Variants in CA10 observed in about 807,000 individuals in gnomAD.
CA10 encodes carbonic anhydrase 10 (inactive).
A neutral mutation model predicts 44.2 loss-of-function variants in CA10; 14 were observed. The ratio of observed to expected loss-of-function variants is 0.32; its 90% CI spans 0.21 to 0.50. The LOEUF (loss-of-function observed/expected upper bound fraction) is 0.50, where lower values mean the gene tolerates loss of function less well. Among genes scored for constraint, CA10 ranks in the 20% least tolerant of loss-of-function variants. The probability of loss-of-function intolerance (pLI) is 0.99; values close to 1 mark genes in which losing one functional copy is unlikely to be tolerated. For missense variants in CA10, 350 were observed against 409.7 expected (o/e 0.85, Z 1.26); for synonymous variants, 159 against 141.6 (o/e 1.12, Z -0.87).
intron 2 of CA10, among the ~76,000 whole-genome samples, chr17:52,034,656 T>G (rs957007778): frequency 6.6e-6 from 1 of 152,120 alleles, no homozygotes; most frequent in Non-Finnish European, 1.5e-5. Context: ...ACTTCACCAG[T>G]GCGTGACACC....
intron 4 of CA10, among the ~76,000 whole-genome samples, chr17:51,725,934 T>G (rs986969381): frequency 1.3e-5 from 2 of 151,940 alleles, no homozygotes; most frequent in Non-Finnish European, 2.9e-5. Flanking sequence ...ATGTGAAGTG[T>G]AATGAGAACA....
chr17:51,878,492 C>T (rs759329994), intron 3 of CA10, among the ~76,000 whole-genome samples: 40 of 151,922 alleles, frequency 2.6e-4, no homozygotes, highest in Non-Finnish European at 5.4e-4. Context: ...ATATTTTTCA[C>T]ATTATTGTTC....
chr17:52,081,642 T>C (rs888765281), intron 1 of CA10, among the ~76,000 whole-genome samples: 3 of 151,472 alleles, frequency 2.0e-5, no homozygotes. Context: ...CTACTAAAAA[T>C]ACAAAAAATT....
chr17:51,844,702 T>A (rs896102323), intron 3 of CA10, among the ~76,000 whole-genome samples: 2 of 152,152 alleles, frequency 1.3e-5, no homozygotes, highest in Non-Finnish European at 2.9e-5. Flanking sequence ...CTTGAGGTAG[T>A]TTCAAAATAT....
chr17:51,829,803 TATA>T (rs1908163727), intron 3 of CA10, among the ~76,000 whole-genome samples: 2 of 152,358 alleles, frequency 1.3e-5, no homozygotes, highest in Non-Finnish European at 2.9e-5. Context: ...TAGGCTGATT[TATA>T]AGCCCTTGTT....
At chr17:51,809,440 CA>C (rs1157480083) in intron 3 of CA10, among the ~76,000 whole-genome samples, 2 of 152,226 alleles carry the variant, frequency 1.3e-5, no homozygotes, top group Admixed American at 6.5e-5. Flanking sequence ...AGAAGAGATG[CA>C]AAAAACAGAT....
chr17:52,090,721 C>T (rs1010008903), intron 1 of CA10, among the ~76,000 whole-genome samples: 3 of 151,972 alleles, frequency 2.0e-5, no homozygotes, highest in Non-Finnish European at 4.4e-5. Context: ...GTTTTTTATG[C>T]ATTCTAGGTA....
At chr17:52,134,372 C>T (rs989907354) in intron 1 of CA10, among the ~76,000 whole-genome samples, 1 of 152,164 alleles carries the variant, frequency 6.6e-6, no homozygotes, top group African/African-American at 2.4e-5. Context: ...AGTGTACTTT[C>T]TAGTGCCAAA....
chr17:51,816,226 G>A (rs922522848), intron 3 of CA10, among the ~76,000 whole-genome samples: 1 of 152,166 alleles, frequency 6.6e-6, no homozygotes, highest in Non-Finnish European at 1.5e-5. Context: ...TTCCATCCAT[G>A]TTGGTGCAAT....
chr17:51,991,916 C>G (rs1438246857), intron 2 of CA10, among the ~76,000 whole-genome samples: 1 of 152,072 alleles, frequency 6.6e-6, no homozygotes. Flanking sequence ...GCCCTCTCAC[C>G]TATCTCTGCG....
chr17:51,802,350 G>T (rs575513655), intron 3 of CA10, among the ~76,000 whole-genome samples: 1 of 152,042 alleles, frequency 6.6e-6, no homozygotes, highest in South Asian at 2.1e-4. Context: ...TTTCTCATTT[G>T]CCAAGTGGGA....
chr17:51,923,055 C>T (rs1982292663), intron 3 of CA10, among the ~76,000 whole-genome samples: 1 of 152,172 alleles, frequency 6.6e-6, no homozygotes, highest in South Asian at 2.1e-4. Context: ...TAAAGATCTG[C>T]TGTATCCCAC....
At position 52,134,547 on chromosome 17, in the gene CA10, C is replaced by A. The variant is rs544723797; in HGVS notation, c.61+23179G>T. 7.2e-5 allele frequency among the ~76,000 whole-genome samples: 11 copies of A among 152,254 alleles called. No homozygotes were observed. In the South Asian group the frequency reaches 1.2e-3, roughly 17 times the overall value. On this transcript the variant is annotated intron_variant, in intron 1 of 8. Transcript: ENST00000451037. ...GGCTATTGTAAAGTTTAAACATGAA[C>A]TAAACAATCAATACCAGCAGCTAGT... is the stretch of plus-strand genomic sequence containing the variant.
At chr17:51,827,357 CACACACACAT>C (rs1287430257) in intron 3 of CA10, among the ~76,000 whole-genome samples, 6 of 147,670 alleles carry the variant, frequency 4.1e-5, no homozygotes, top group African/African-American at 1.5e-4. Flanking sequence ...CACACACATA[CACACACACAT>C]ACACACACAC....
intron 1 of CA10, among the ~76,000 whole-genome samples, chr17:52,154,438 A>G (rs890454451): frequency 2.0e-5 from 3 of 152,232 alleles, no homozygotes; most frequent in African/African-American, 7.2e-5. Context: ...AAAGAAGTAA[A>G]GTTACATAAG....
intron 2 of CA10, among the ~76,000 whole-genome samples, chr17:51,998,953 C>T (rs966041977): frequency 3.9e-5 from 6 of 152,000 alleles, no homozygotes; most frequent in Non-Finnish European, 7.4e-5. Context: ...GAAATTGTAA[C>T]TGACTCTCTA....
chr17:52,062,652 C>A (rs1987421323), intron 2 of CA10, among the ~76,000 whole-genome samples: 1 of 152,226 alleles, frequency 6.6e-6, no homozygotes, highest in Non-Finnish European at 1.5e-5. Flanking sequence ...CATACTATTT[C>A]AGCTGGTGCT....
At chr17:52,010,700 T>A (rs1985761951) in intron 2 of CA10, among the ~76,000 whole-genome samples, 1 of 151,878 alleles carries the variant, frequency 6.6e-6, no homozygotes, top group Non-Finnish European at 1.5e-5. Context: ...TACACCAAAA[T>A]CCCAGAAATC....
At chr17:52,081,491 A>G (rs1987974463) in intron 1 of CA10, among the ~76,000 whole-genome samples, 2 of 152,190 alleles carry the variant, frequency 1.3e-5, no homozygotes, top group South Asian at 4.1e-4. Flanking sequence ...GCTGGTGAAA[A>G]TAGAACATCA....
Sources: gnomAD v4.1 joint callset for allele counts (sites outside exome capture counted in the v4.1 genomes callset) on GRCh38, gnomAD v4.1.1 for gene constraint, MANE v1.5 for transcripts, NCBI Gene and HGNC (gene_info 2026-07-23, HGNC 2026-07-21) for gene names.